The following RBFOX1 variants were observed in gnomAD, a reference collection of about 807,000 sequenced individuals.
RBFOX1 encodes RNA binding protein fox-1 homolog 1.
Under a neutral mutation model 57.7 loss-of-function variants are expected in RBFOX1, and 8 were observed. The observed-to-expected ratio is 0.14, with a 90% CI of 0.08 to 0.25. The LOEUF is 0.25. Among genes scored for constraint, RBFOX1 ranks in the 10% least tolerant of loss-of-function variants. RBFOX1 has a pLI of 1.00. For synonymous variants in RBFOX1, 326 were observed against 222.4 expected, an observed-to-expected ratio of 1.47 and a Z score of -4.15; for missense variants, 611 against 548.5, an observed-to-expected ratio of 1.11 and a Z score of -1.14.
At chr16:7,420,181 G>T (rs1043215502) in intron 4 of RBFOX1, among the ~76,000 whole-genome samples, 1 of 152,010 alleles carries the variant, frequency 6.6e-6, no homozygotes, top group African/African-American at 2.4e-5. Flanking sequence ...ATATTCTGCC[G>T]TGGTAATTAT....
chr16:6,136,328 C>G (rs1597660319), intron 1 of RBFOX1, among the ~76,000 whole-genome samples: 1 of 152,120 alleles, frequency 6.6e-6, no homozygotes, highest in Non-Finnish European at 1.5e-5. Flanking sequence ...CAACCTTCCC[C>G]CAAGGCACCC....
intron 4 of RBFOX1, among the ~76,000 whole-genome samples, chr16:7,141,762 A>G (rs929587668): frequency 2.0e-5 from 3 of 151,800 alleles, no homozygotes; most frequent in Non-Finnish European, 2.9e-5. Flanking sequence ...CATCTTTCCT[A>G]CTCTGTCCCT....
intron 4 of RBFOX1, among the ~76,000 whole-genome samples, chr16:7,147,716 C>G (rs1031744837): frequency 1.4e-4 from 22 of 152,044 alleles, no homozygotes; most frequent in Admixed American, 7.2e-4. Flanking sequence ...ATCCTATCTG[C>G]CATTGATGGG....
intron 1 of RBFOX1, among the ~76,000 whole-genome samples, chr16:6,254,653 A>G (rs2097649145): frequency 6.6e-6 from 1 of 152,176 alleles, no homozygotes; most frequent in Non-Finnish European, 1.5e-5. Context: ...TCTGCGTGAA[A>G]TTCCATTCAA....
At chr16:7,658,348 T>G (rs2066839969) in intron 12 of RBFOX1, among the ~76,000 whole-genome samples, 1 of 152,188 alleles carries the variant, frequency 6.6e-6, no homozygotes, top group Non-Finnish European at 1.5e-5. Flanking sequence ...GCATTGCTTA[T>G]GGAATATGTA....
chr16:6,593,233 C>G (rs550335764), intron 2 of RBFOX1, among the ~76,000 whole-genome samples: 1 of 152,190 alleles, frequency 6.6e-6, no homozygotes, highest in African/African-American at 2.4e-5. Context: ...CACCCTCTTC[C>G]ACGTACCCAT....
At chr16:5,574,238 C>T (rs1224918029) in intron 2 of RBFOX1, among the ~76,000 whole-genome samples, 2 of 152,254 alleles carry the variant, frequency 1.3e-5, no homozygotes, top group African/African-American at 2.4e-5. Context: ...GCCGTGATTT[C>T]GTACAGTTTG....
At chr16:5,422,141 T>C in intron 1 of RBFOX1, among the ~76,000 whole-genome samples, 2 of 151,976 alleles carry the variant, frequency 1.3e-5, no homozygotes, top group East Asian at 3.9e-4. Flanking sequence ...AAGATGTATG[T>C]TTTAGGATGC....
intron 6 of RBFOX1, among the ~76,000 whole-genome samples, chr16:7,584,717 A>C (rs936502612): frequency 2.0e-5 from 3 of 152,256 alleles, no homozygotes; most frequent in Non-Finnish European, 4.4e-5. Flanking sequence ...GTGTCTATTT[A>C]AATTGAAAAT....
chr16:7,583,735 C>G (rs2093947270), intron 6 of RBFOX1, among the ~76,000 whole-genome samples: 2 of 152,038 alleles, frequency 1.3e-5, no homozygotes, highest in African/African-American at 4.8e-5. Flanking sequence ...AATCCCAGCA[C>G]TTTGGGAGGC....
chr16:6,890,991 C>G (rs979776460), intron 3 of RBFOX1, among the ~76,000 whole-genome samples: 2 of 152,154 alleles, frequency 1.3e-5, no homozygotes, highest in South Asian at 2.1e-4. Flanking sequence ...TTCTTTGTGT[C>G]TCAGACCCTT....
chr16:7,704,173 C>G (rs371465714), intron 14 of RBFOX1, among the ~76,000 whole-genome samples: 9 of 152,244 alleles, frequency 5.9e-5, no homozygotes, highest in Middle Eastern at 3.4e-3. Flanking sequence ...TCTTTTTGCC[C>G]CAAGTCCTGA....
intron 4 of RBFOX1, among the ~76,000 whole-genome samples, chr16:7,330,668 T>C (rs895974477): frequency 3.3e-5 from 5 of 152,142 alleles, no homozygotes; most frequent in Admixed American, 3.3e-4. Flanking sequence ...CTCTCTTCTA[T>C]GCTCAGGAAA....
chr16:5,284,756 A>ATTTTTTTTTTTTTTTT lies in RBFOX1; in HGVS notation c.219+44662_219+44677dup, dbSNP rs1166998032. The stretch of plus-strand genomic sequence containing the variant: ...GCTGGGTATAGTAGTTTTGGCTTAG[A>ATTTTTTTTTTTTTTTT]TTTTTTTTTTTTTTTTTTTTTTTTT... On this transcript the variant is annotated intron_variant, in intron 1 of 2. Transcript: ENST00000585867. 7.0e-4 allele frequency among the ~76,000 whole-genome samples: 43 copies of ATTTTTTTTTTTTTTTT among 61,044 alleles called. 3 individuals carry two copies. The highest frequency in any genetic ancestry group is 2.4e-3 in the East Asian group (4 of 1,676). 40.0% of individuals were successfully genotyped at this position (61,044 alleles called of 152,430 possible).
At chr16:5,539,149 A>G (rs2342431) in intron 2 of RBFOX1, among the ~76,000 whole-genome samples, 1 of 152,048 alleles carries the variant, frequency 6.6e-6, no homozygotes, top group African/African-American at 2.4e-5. Context: ...TTCCAGGTGC[A>G]TGGTTCAGGG....
At chr16:6,108,181 C>T (rs886561555) in intron 1 of RBFOX1, among the ~76,000 whole-genome samples, 3 of 152,078 alleles carry the variant, frequency 2.0e-5, no homozygotes, top group African/African-American at 7.2e-5. Flanking sequence ...AAATTTAATG[C>T]AATATACATG....
intron 1 of RBFOX1, among the ~76,000 whole-genome samples, chr16:5,318,468 GC>G: frequency 6.6e-6 from 1 of 152,214 alleles, no homozygotes; most frequent in African/African-American, 2.4e-5. Context: ...CCATGAATTT[GC>G]CTTCTCATGT....
intron 3 of RBFOX1, among the ~76,000 whole-genome samples, chr16:6,926,728 G>A (rs966340620): frequency 6.6e-6 from 1 of 152,166 alleles, no homozygotes; most frequent in African/African-American, 2.4e-5. Context: ...TTCAAGAACT[G>A]GTGAAAGAGA....
intron 2 of RBFOX1, among the ~76,000 whole-genome samples, chr16:6,542,860 T>C (rs898670896): frequency 2.6e-5 from 4 of 152,074 alleles, no homozygotes; most frequent in Non-Finnish European, 5.9e-5. Flanking sequence ...TGTAAGTCTG[T>C]AAACTTCATT....
Sources: gnomAD v4.1 joint callset for allele counts (sites outside exome capture counted in the v4.1 genomes callset) on GRCh38, gnomAD v4.1.1 for gene constraint, MANE v1.5 for transcripts, NCBI Gene and HGNC (gene_info 2026-07-23, HGNC 2026-07-21) for gene names.